The following WDPCP variants were observed in gnomAD, a reference collection of about 807,000 sequenced individuals.
WDPCP encodes the protein WD repeat-containing and planar cell polarity effector protein fritz homolog.
Under a neutral mutation model 93.1 loss-of-function variants are expected in WDPCP, and 71 were observed. The observed-to-expected ratio is 0.76, with a 90% confidence interval of 0.63 to 0.93. WDPCP has a LOEUF of 0.93. WDPCP is among the 40% of genes least tolerant of loss of function. The pLI, the probability that WDPCP is intolerant of heterozygous loss-of-function variation, is 0.00. For synonymous variants in WDPCP, 315 were observed against 315.0 expected, an observed-to-expected ratio of 1.00 and a Z score of 0.00; for missense variants, 844 against 887.4, an observed-to-expected ratio of 0.95 and a Z score of 0.62.
intron 3 of WDPCP, chr2:63,622,812 C>A: frequency 2.5e-6 from 4 of 1,611,182 alleles, no homozygotes; most frequent in Non-Finnish European, 3.4e-6. Context: ...CACGCTCTGG[C>A]CCAGGAAATA....
intron 2 of WDPCP, among the ~76,000 whole-genome samples, chr2:63,695,584 A>C (rs887108184): frequency 3.3e-5 from 5 of 152,226 alleles, no homozygotes; most frequent in African/African-American, 1.2e-4. Context: ...AAGAACCACT[A>C]GTCTTAAGAG....
chr2:63,607,074 C>G, intron 3 of WDPCP: 1 of 1,282,412 alleles, frequency 7.8e-7, no homozygotes, highest in South Asian at 1.6e-5. Flanking sequence ...TAATGCTATA[C>G]TTAAATTACT....
At chr2:63,243,995 C>G (rs1680069549) in intron 14 of WDPCP, among the ~76,000 whole-genome samples, 1 of 151,054 alleles carries the variant, frequency 6.6e-6, no homozygotes, top group Non-Finnish European at 1.5e-5. Context: ...AAGCAAGTCT[C>G]AATAAATGAA....
intron 2 of WDPCP, among the ~76,000 whole-genome samples, chr2:63,700,301 A>G (rs1575750885): frequency 9.8e-6 from 1 of 102,230 alleles, no homozygotes; most frequent in African/African-American, 3.3e-5. Flanking sequence ...AAAAAAAAAA[A>G]AACAAAAAGA....
At chr2:63,525,637 A>G (rs1377073383) in intron 1 of WDPCP, among the ~76,000 whole-genome samples, 1 of 152,054 alleles carries the variant, frequency 6.6e-6, no homozygotes, top group Non-Finnish European at 1.5e-5. Flanking sequence ...TATCATTCAT[A>G]TTTATAAATG....
chr2:63,565,526 G>A (rs763217459), intron 1 of WDPCP, among the ~76,000 whole-genome samples: 1 of 152,132 alleles, frequency 6.6e-6, no homozygotes, highest in African/African-American at 2.4e-5. Flanking sequence ...GGTGTCAGTG[G>A]TTGAGCATTG....
intron 17 of WDPCP, among the ~76,000 whole-genome samples, chr2:63,126,494 T>C (rs918010918): frequency 6.6e-6 from 1 of 152,100 alleles, no homozygotes; most frequent in Non-Finnish European, 1.5e-5. Flanking sequence ...AAAATTAGAC[T>C]GAGACAGTTT....
intron 1 of WDPCP, among the ~76,000 whole-genome samples, chr2:63,530,487 C>G (rs1703746158): frequency 6.6e-6 from 1 of 151,978 alleles, no homozygotes; most frequent in Non-Finnish European, 1.5e-5. Context: ...GTTTCTTAAG[C>G]TTGGAGTTCC....
At chr2:63,809,214 G>A (rs1471728991) in intron 2 of WDPCP, among the ~76,000 whole-genome samples, 2 of 151,394 alleles carry the variant, frequency 1.3e-5, no homozygotes, top group African/African-American at 2.4e-5. Flanking sequence ...GGTGAGGGGC[G>A]CCTCTGCCCG....
chr2:63,685,784 G>A (rs754016719), intron 2 of WDPCP, among the ~76,000 whole-genome samples: 1 of 152,164 alleles, frequency 6.6e-6, no homozygotes, highest in African/African-American at 2.4e-5. Context: ...TCCCAGGTAT[G>A]CAAGAATGGT....
the WDPCP span, among the ~76,000 whole-genome samples, chr2:63,836,135 G>A: frequency 6.6e-6 from 1 of 152,214 alleles, no homozygotes; most frequent in Non-Finnish European, 1.5e-5. Flanking sequence ...AATTACAGCT[G>A]TGAGCCATTG....
the WDPCP span, among the ~76,000 whole-genome samples, chr2:63,835,162 G>A: frequency 8.6e-5 from 13 of 151,518 alleles, no homozygotes; most frequent in African/African-American, 2.9e-4. Context: ...CGAGGTGGGC[G>A]GATCACTTGA....
At chr2:63,737,277 T>C (rs978922586) in intron 2 of WDPCP, among the ~76,000 whole-genome samples, 5 of 152,192 alleles carry the variant, frequency 3.3e-5, no homozygotes, top group African/African-American at 7.2e-5. Context: ...AAGATATTGA[T>C]AGTCCTGGAG....
At chr2:63,334,056 C>T (rs1176853272) in intron 12 of WDPCP, among the ~76,000 whole-genome samples, 5 of 152,166 alleles carry the variant, frequency 3.3e-5, no homozygotes, top group African/African-American at 1.2e-4. Flanking sequence ...ACAAAAAACA[C>T]ATCCATTGGA....
intron 15 of WDPCP, among the ~76,000 whole-genome samples, chr2:63,161,182 C>G (rs1672615917): frequency 6.6e-6 from 1 of 152,220 alleles, no homozygotes; most frequent in African/African-American, 2.4e-5. Flanking sequence ...TTCTGGGCCT[C>G]TGCCATATCT....
intron 12 of WDPCP, among the ~76,000 whole-genome samples, chr2:63,354,413 C>G (rs1396477895): frequency 6.6e-6 from 1 of 152,176 alleles, no homozygotes; most frequent in Non-Finnish European, 1.5e-5. Context: ...CTTAAGTAGG[C>G]ACCCCAGGAG....
chr2:63,365,146 A>C (rs1465379911), intron 12 of WDPCP, among the ~76,000 whole-genome samples: 1 of 152,196 alleles, frequency 6.6e-6, no homozygotes, highest in East Asian at 1.9e-4. Flanking sequence ...GTGTTGTTGT[A>C]AGGATTATAT....
chr2:63,521,920 C>G (rs1702964888), intron 1 of WDPCP, among the ~76,000 whole-genome samples: 1 of 152,132 alleles, frequency 6.6e-6, no homozygotes, highest in African/African-American at 2.4e-5. Context: ...ACAACCTGTT[C>G]CTGAATGACT....
intron 6 of WDPCP, among the ~76,000 whole-genome samples, chr2:63,450,958 C>A (rs1177556641): frequency 6.6e-6 from 1 of 152,018 alleles, no homozygotes; most frequent in African/African-American, 2.4e-5. Context: ...AAATATAAAA[C>A]CTCCAAAGAA....
Sources: allele counts gnomAD v4.1 joint callset (sites outside exome capture counted in the v4.1 genomes callset), GRCh38; gene constraint gnomAD v4.1.1; transcripts MANE v1.5; gene names NCBI Gene and HGNC (gene_info 2026-07-23, HGNC 2026-07-21).